The following SPIDR variants were observed in gnomAD, a reference collection of about 807,000 sequenced individuals.
SPIDR encodes DNA repair-scaffolding protein.
In SPIDR, 93 loss-of-function variants were observed where a neutral mutation model predicts 104.6. The ratio of observed to expected loss-of-function variants is 0.89; its 90% CI spans 0.75 to 1.06. The LOEUF (loss-of-function observed/expected upper bound fraction) is 1.06, where lower values mean the gene tolerates loss of function less well. Ranked by LOEUF, SPIDR falls within the 50% of genes least tolerant of loss-of-function variation. The pLI is 0.00. For synonymous variants in SPIDR, 431 were observed against 416.9 expected (o/e 1.03, Z -0.41); for missense variants, 1,154 against 1,111.2 (o/e 1.04, Z -0.55).
intron 5 of SPIDR, among the ~76,000 whole-genome samples, chr8:47,337,388 C>T (rs1484512639): frequency 3.3e-5 from 5 of 152,140 alleles, no homozygotes; most frequent in African/African-American, 1.2e-4. Flanking sequence ...GCCTCAGCCT[C>T]CCAAAGTGCT....
intron 8 of SPIDR, among the ~76,000 whole-genome samples, chr8:47,489,995 G>A (rs1423762722): frequency 2.6e-5 from 4 of 152,296 alleles, no homozygotes; most frequent in African/African-American, 4.8e-5. Flanking sequence ...AGCCAAAATT[G>A]ACAAATGGGG....
intron 8 of SPIDR, among the ~76,000 whole-genome samples, chr8:47,497,633 G>T (rs2079645732): frequency 6.6e-6 from 1 of 152,126 alleles, no homozygotes; most frequent in Non-Finnish European, 1.5e-5. Context: ...ATGTCTATGT[G>T]CACTTAAAAG....
intron 8 of SPIDR, chr8:47,592,120 T>C (rs1366919421): frequency 1.6e-5 from 22 of 1,380,742 alleles, no homozygotes; most frequent in Non-Finnish European, 2.2e-5. Flanking sequence ...GGAGAAGTGA[T>C]GCACACTTGA....
intron 11 of SPIDR, among the ~76,000 whole-genome samples, chr8:47,690,891 A>G (rs2078547511): frequency 1.3e-5 from 2 of 152,204 alleles, no homozygotes; most frequent in South Asian, 4.1e-4. Context: ...ATCTTATATA[A>G]TTATATAAAT....
chr8:47,488,252 A>C (rs569417139), intron 8 of SPIDR, among the ~76,000 whole-genome samples: 6 of 152,258 alleles, frequency 3.9e-5, no homozygotes, highest in Non-Finnish European at 7.3e-5. Context: ...GAAAATCTAG[A>C]AGAAATGGAT....
At chr8:47,453,876 A>C (rs2072403037) in intron 8 of SPIDR, among the ~76,000 whole-genome samples, 1 of 152,232 alleles carries the variant, frequency 6.6e-6, no homozygotes, top group South Asian at 2.1e-4. Context: ...ACACATGAAA[A>C]AATGCTCATT....
At chr8:47,327,468 T>C in intron 5 of SPIDR, among the ~76,000 whole-genome samples, 1 of 151,194 alleles carries the variant, frequency 6.6e-6, no homozygotes, top group African/African-American at 2.4e-5. Flanking sequence ...CATGGCTCAC[T>C]ATAGCACTAC....
At chr8:47,510,306 A>G (rs1029335955) in intron 8 of SPIDR, among the ~76,000 whole-genome samples, 4 of 152,256 alleles carry the variant, frequency 2.6e-5, no homozygotes, top group African/African-American at 9.6e-5. Context: ...TACAGTGCGG[A>G]GGCTGAAATG....
At chr8:47,272,301 AGT>A (rs1181608674) in intron 1 of SPIDR, among the ~76,000 whole-genome samples, 2 of 152,152 alleles carry the variant, frequency 1.3e-5, no homozygotes, top group Non-Finnish European at 2.9e-5. Context: ...CGTTTTAAAT[AGT>A]ATGATTTGAA....
intron 14 of SPIDR, among the ~76,000 whole-genome samples, chr8:47,704,142 G>T (rs2080734949): frequency 6.6e-6 from 1 of 152,220 alleles, no homozygotes; most frequent in Non-Finnish European, 1.5e-5. Context: ...TTAACCTGTG[G>T]ATTAGCTAGT....
chr8:47,351,324 T>C (rs1554622245), intron 5 of SPIDR, among the ~76,000 whole-genome samples: 3 of 152,140 alleles, frequency 2.0e-5, no homozygotes, highest in Non-Finnish European at 4.4e-5. Context: ...CCTCTCAGAA[T>C]TGATTATTAT....
chr8:47,716,939 A>C (rs1385302467), intron 16 of SPIDR, among the ~76,000 whole-genome samples: 4 of 152,234 alleles, frequency 2.6e-5, no homozygotes, highest in Middle Eastern at 3.4e-3. Flanking sequence ...TTAATGAAGA[A>C]ATTCTGCAGC....
At chr8:47,313,343 C>G (rs1415878396) in intron 5 of SPIDR, among the ~76,000 whole-genome samples, 1 of 152,126 alleles carries the variant, frequency 6.6e-6, no homozygotes, top group Non-Finnish European at 1.5e-5. Flanking sequence ...ACCTAGGAAT[C>G]CAAACTTACA....
chr8:47,509,568 G>A (rs2082006496), intron 8 of SPIDR, among the ~76,000 whole-genome samples: 1 of 152,056 alleles, frequency 6.6e-6, no homozygotes, highest in South Asian at 2.1e-4. Context: ...TTTATACCTT[G>A]GATATCTTTC....
chr8:47,312,895 T>A (rs1372934157), intron 5 of SPIDR, among the ~76,000 whole-genome samples: 4 of 152,198 alleles, frequency 2.6e-5, no homozygotes, highest in Non-Finnish European at 5.9e-5. Flanking sequence ...AATTAATTTG[T>A]GTATAAGGTG....
intron 19 of SPIDR, chr8:47,732,118 C>T (rs1256006645): frequency 2.8e-6 from 2 of 702,476 alleles, no homozygotes; most frequent in Non-Finnish European, 5.2e-6. Flanking sequence ...CCAATCCCCA[C>T]CCCTCTTTAG....
chr8:47,271,556 G>T (rs2035326180), intron 1 of SPIDR, among the ~76,000 whole-genome samples: 1 of 151,866 alleles, frequency 6.6e-6, no homozygotes, highest in South Asian at 2.1e-4. Context: ...ATTTCTGTTT[G>T]GTTCTGTCTT....
At chr8:47,600,711 G>A (rs991648261) in intron 10 of SPIDR, among the ~76,000 whole-genome samples, 2 of 152,096 alleles carry the variant, frequency 1.3e-5, no homozygotes, top group African/African-American at 4.8e-5. Flanking sequence ...ATAGGTTTTT[G>A]TTTTGTGTTT....
At chr8:47,411,927 C>A (rs149829425) in intron 7 of SPIDR, among the ~76,000 whole-genome samples, 1 of 152,138 alleles carries the variant, frequency 6.6e-6, no homozygotes, top group South Asian at 2.1e-4. Context: ...TTCCCCATTT[C>A]TTGTTTTTGT....
Sources: gnomAD v4.1 joint callset for allele counts (sites outside exome capture counted in the v4.1 genomes callset) on GRCh38, gnomAD v4.1.1 for gene constraint, MANE v1.5 for transcripts, NCBI Gene and HGNC (gene_info 2026-07-23, HGNC 2026-07-21) for gene names.